Variants in CCR6 observed in about 807,000 individuals in gnomAD.
The protein encoded by CCR6 is C-C chemokine receptor type 6.
Under a neutral mutation model 3.0 loss-of-function variants are expected in CCR6, and 2 were observed. The observed-to-expected ratio is 0.66, with a 90% confidence interval of 0.27 to 2.07. The LOEUF (loss-of-function observed/expected upper bound fraction) is 2.07. Ranked by LOEUF, CCR6 falls within the 30% of genes most tolerant of loss-of-function variation. CCR6 has a pLI of 0.14. For missense variants in CCR6, 322 were observed against 462.8 expected (o/e 0.70, Z 2.79); for synonymous variants, 193 against 184.3 (o/e 1.05, Z -0.38).
rs181332757 is a variant in CCR6 at position 167,132,697 on chromosome 6, C to T, written c.-97-3341C>T. On this transcript the variant is annotated intron_variant, in intron 1 of 2. Transcript: ENST00000341935. The stretch of plus-strand genomic sequence containing the variant: ...CTGGGATTACAGGAGCACGCCATCA[C>T]GCCTGGCTAATTTTTGTATTTTTAG... Among the ~76,000 whole-genome samples the T allele has an allele frequency of 1.8e-3, 277 of 152,244 alleles. 1 individual carries two copies. Among genetic ancestry groups the T allele is most frequent in the African/African-American group, 6.3e-3 (262 of 41,546 alleles).
In CCR6 at chr6:167,113,799, TC is replaced by T. The variant is rs142772152; in HGVS notation, c.-98+1787del. Among the ~76,000 whole-genome samples, 297 of 152,348 alleles carry T rather than the reference TC, an allele frequency of 1.9e-3. 1 individual carries two copies. The highest frequency in any genetic ancestry group is 6.8e-3 in the African/African-American group (283 of 41,592). The stretch of plus-strand genomic sequence containing the variant: ...TAAAATACAGTAAATATGCAGCGCA[TC>T]CTTCAGCGTTCAGATGACTGCGTTA... On this transcript the variant is annotated intron_variant, in intron 1 of 2. Transcript: ENST00000400926.
intron 1 of CCR6, among the ~76,000 whole-genome samples, chr6:167,112,781 GAC>G (rs758555021): frequency 5.9e-5 from 9 of 152,100 alleles, no homozygotes; most frequent in Non-Finnish European, 8.8e-5. Context: ...AGGTGGGGGA[GAC>G]ACAGAGAAGC....
Position 167,138,639 on chromosome 6 carries a change from ACTGT to A in CCR6, c.*1286_*1289del, listed in dbSNP as rs1781886942. 6.6e-6 allele frequency: 1 copy of A among 152,348 alleles called. No homozygotes were observed. Among genetic ancestry groups the A allele is most frequent in the African/African-American group, 2.4e-5 (1 of 41,452 alleles). The allele number at this position is 152,348 out of a possible 1,614,324, so 9.4% of individuals were successfully genotyped here. A position where few individuals can be genotyped will look rare whatever the true frequency, so the allele number is the denominator to read the frequency against. ...AAATACAAACACATGTTAGGAAGGT[ACTGT>A]CATGGGCTAGGCATGGTGGCTCACA... On this transcript the variant is annotated 3_prime_UTR_variant, in exon 3 of 3. Transcript: ENST00000341935.
At chr6:167,124,989 C>T (rs41355646) in intron 1 of CCR6, among the ~76,000 whole-genome samples, 64 of 152,192 alleles carry the variant, frequency 4.2e-4, no homozygotes, top group African/African-American at 1.5e-3. Flanking sequence ...CATGTGCACA[C>T]CTATATACAC....
upstream of CCR6, among the ~76,000 whole-genome samples, chr6:167,118,441 G>A (rs190036726): frequency 6.6e-6 from 1 of 152,028 alleles, no homozygotes; most frequent in Non-Finnish European, 1.5e-5. Context: ...CACATTCCAG[G>A]TACTTCAATG....
In CCR6 at chr6:167,136,695, G is replaced by T. The variant is rs200328364; in HGVS notation, c.465G>T (p.Arg155=). ...TTGTACAGGCGACTAAGTCATTCCG[G>T]CTCCGATCCAGAACACTACCGCGCA... ...IAIVQATKSF[R]LRSRTLPRSK... is the part of the protein sequence containing the mutation. The change falls in exon 3 of 3, where the codon CGG becomes CGT. Residue 155 remains arginine (R), a synonymous_variant. Transcript: ENST00000341935. This position sits in a 1 kb window ranked among gnomAD's most constrained non-coding sequence, Gnocchi z 4.6. 1.9e-6 allele frequency: 3 copies of T among 1,614,110 alleles called. No homozygotes were observed. The highest frequency in any genetic ancestry group is 2.2e-5 in the East Asian group (1 of 44,882).
chr6:167,117,410 T>TC (rs903448618), intron 1 of CCR6, among the ~76,000 whole-genome samples: 1 of 132,724 alleles, frequency 7.5e-6, no homozygotes, highest in South Asian at 2.3e-4. Context: ...TTTCTTTTTT[T>TC]TTTTCTTTTT....
chr6:167,124,946 A>G (rs1345151211), intron 1 of CCR6, among the ~76,000 whole-genome samples: 1 of 152,126 alleles, frequency 6.6e-6, no homozygotes, highest in Non-Finnish European at 1.5e-5. Flanking sequence ...CCATGCACAC[A>G]CATGCAAATA....
At chr6:167,123,480 G>A (rs945718018) in intron 1 of CCR6, among the ~76,000 whole-genome samples, 3 of 152,152 alleles carry the variant, frequency 2.0e-5, no homozygotes, top group African/African-American at 7.2e-5. Flanking sequence ...GATGGTCTGG[G>A]TACTTGCTCC....
In CCR6 at chr6:167,123,433, G is replaced by A. The variant is rs186560345; in HGVS notation, c.-98+210G>A. On this transcript the variant is annotated intron_variant, in intron 1 of 2. Coordinates refer to ENST00000341935, the MANE Select transcript of CCR6 (RefSeq NM_031409.4). ...CACTTTTCCTCTAAGTGTATAGTAAGGGATTTCATACTCGCTCCCTGCACT... is the reference window on the plus strand; with the variant it reads ...CACTTTTCCTCTAAGTGTATAGTAAAGGATTTCATACTCGCTCCCTGCACT... Among the ~76,000 whole-genome samples, 32 of 152,310 alleles carry A rather than the reference G, an allele frequency of 2.1e-4. 1 individual carries two copies. The East Asian group carries it at 5.4e-3, about 26-fold the overall frequency.
chr6:167,121,548 G>T (rs1372416941), upstream of CCR6: 1 of 152,334 alleles, frequency 6.6e-6, no homozygotes, highest in Non-Finnish European at 1.5e-5. Context: ...CCTCAGGGGC[G>T]ATGGTAGAAA....
intron 1 of CCR6, among the ~76,000 whole-genome samples, chr6:167,129,022 C>T (rs1781712994): frequency 6.6e-6 from 1 of 152,206 alleles, no homozygotes. Flanking sequence ...TTCTTGACAT[C>T]TTCAGATCTA....
intron 1 of CCR6, among the ~76,000 whole-genome samples, chr6:167,130,446 G>A (rs1356021117): frequency 6.6e-6 from 1 of 151,928 alleles, no homozygotes; most frequent in Non-Finnish European, 1.5e-5. Context: ...GCTGGTGACT[G>A]CTGCCTGAGA....
intron 1 of CCR6, chr6:167,129,510 C>T (rs1781720095): frequency 6.6e-6 from 1 of 152,212 alleles, no homozygotes; most frequent in Non-Finnish European, 1.5e-5. Context: ...TTTGAGCTTC[C>T]TTACACCAGC....
rs6149918 is a variant in CCR6, at chr6:167,133,932, G to GTATATATATATA, written c.-97-2079_-97-2068dup. 4.5e-3 allele frequency among the ~76,000 whole-genome samples: 491 copies of GTATATATATATA among 110,138 alleles called. 25 individuals are homozygous for GTATATATATATA. Among genetic ancestry groups the GTATATATATATA allele is most frequent in the African/African-American group, 0.015 (352 of 22,754 alleles). 72.3% of individuals were successfully genotyped at this position (110,138 alleles called of 152,430 possible). On this transcript the variant is annotated intron_variant, in intron 1 of 2. Coordinates refer to ENST00000341935, the MANE Select transcript of CCR6 (RefSeq NM_031409.4). ...ATACTATTATATATGATATATGTGT[G>GTATATATATATA]TATATATATATATATATATATATAT...
chr6:167,129,529 C>CCCTCCGGGACTCCTCCCT (rs1175387796), intron 1 of CCR6: 1 of 152,068 alleles, frequency 6.6e-6, no homozygotes, highest in African/African-American at 2.4e-5. Context: ...GCTCTATGCT[C>CCCTCCGGGACTCCTCCCT]CTGGACTTCA....
chr6:167,128,351 G>A (rs534172026), intron 1 of CCR6, among the ~76,000 whole-genome samples: 15 of 152,314 alleles, frequency 9.8e-5, no homozygotes, highest in African/African-American at 2.9e-4. Context: ...CGGTGCCTCC[G>A]CGCTCTATCT....
chr6:167,115,930 A>G (rs762638703), intron 1 of CCR6: 3 of 152,222 alleles, frequency 2.0e-5, no homozygotes, highest in Non-Finnish European at 4.4e-5. Context: ...TGTCATGGTC[A>G]GGGTTGGAAG....
intron 1 of CCR6, 143 bp from the exon 2 acceptor site, chr6:167,135,895 G>A: frequency 1.9e-6 from 1 of 518,062 alleles, no homozygotes; most frequent in Non-Finnish European, 3.4e-6. Context: ...GGTTGCTGAT[G>A]CCTATTCTCA....
Sources: gnomAD v4.1 joint callset for allele counts (sites outside exome capture counted in the v4.1 genomes callset) on GRCh38, gnomAD v4.1.1 for gene constraint, Gnocchi (gnomAD v3.1) non-coding constraint, MANE v1.5 for transcripts, NCBI Gene and HGNC (gene_info 2026-07-23, HGNC 2026-07-21) for gene names.